MLLT3: variants seen among roughly 807,000 people sequenced by gnomAD.
MLLT3 encodes protein AF-9.
MLLT3 carries 4 observed loss-of-function variants against 53.2 expected under a neutral mutation model. The observed-to-expected ratio is 0.08, with a 90% CI of 0.04 to 0.17. The LOEUF (loss-of-function observed/expected upper bound fraction) is 0.17, where lower values mean the gene tolerates loss of function less well. MLLT3 is among the 10% of genes least tolerant of loss of function. The probability of loss-of-function intolerance (pLI) is 1.00; values close to 1 mark genes in which losing one functional copy is unlikely to be tolerated. For synonymous variants in MLLT3, 283 were observed against 230.6 expected (o/e 1.23, Z -2.06); for missense variants, 569 against 684.0 (o/e 0.83, Z 1.87).
chr9:20,515,023 C>T (rs536701835), intron 2 of MLLT3, among the ~76,000 whole-genome samples: 11 of 149,938 alleles, frequency 7.3e-5, no homozygotes, highest in East Asian at 3.9e-4. Flanking sequence ...CTCGGCTCAC[C>T]GCAACCTCTG....
intron 2 of MLLT3, among the ~76,000 whole-genome samples, chr9:20,468,640 C>A (rs1370893465): frequency 6.6e-6 from 1 of 152,320 alleles, no homozygotes; most frequent in South Asian, 2.1e-4. Context: ...CTGGTTCTGG[C>A]TCCATTTCTA....
At chr9:20,362,372 G>A (rs1280448527) in intron 7 of MLLT3, among the ~76,000 whole-genome samples, 1 of 152,196 alleles carries the variant, frequency 6.6e-6, no homozygotes, top group Non-Finnish European at 1.5e-5. Context: ...AGAGCAGCCA[G>A]TGGTCAGGAT....
intron 8 of MLLT3, among the ~76,000 whole-genome samples, chr9:20,359,557 T>C (rs1027161239): frequency 6.6e-6 from 1 of 152,270 alleles, no homozygotes; most frequent in Non-Finnish European, 1.5e-5. Flanking sequence ...GTATCATTCC[T>C]ACTTAACAAG....
rs955365402 is a variant in MLLT3 at position 20,620,467 on chromosome 9, C to A, written c.193+187G>T. On this transcript the variant is annotated intron_variant, in intron 2 of 10. Coordinates refer to ENST00000380338, the MANE Select transcript of MLLT3 (RefSeq NM_004529.4). The surrounding 1 kb of genome is among the most constrained non-coding windows in gnomAD (Gnocchi z 6.1). ...TTTCTCTGCGGTGACTTTCACCAAG[C>A]CGAAGTGGCGCGCGCGCGGGCAGGC... Among the ~76,000 whole-genome samples the A allele has an allele frequency of 6.6e-6, 1 of 151,066 alleles. No homozygotes were observed. Among genetic ancestry groups the A allele is most frequent in the Non-Finnish European group, 1.5e-5 (1 of 67,692 alleles).
chr9:20,621,691 C>T lies in MLLT3; in HGVS notation c.12+554G>A. 1 of 1,385,438 alleles carries T rather than the reference C, an allele frequency of 7.2e-7. No homozygotes were observed. The highest frequency in any genetic ancestry group is 9.6e-7 in the Non-Finnish European group (1 of 1,040,318). 85.8% of individuals were successfully genotyped at this position (1,385,438 alleles called of 1,614,324 possible). A position where few individuals can be genotyped will look rare whatever the true frequency, so the allele number is the denominator to read the frequency against. ...TCGGCTCGCGCTCAGCACCTCCCGG[C>T]GCTGGGGCAAAGTTGCGTGCGGCCC... On this transcript the variant is annotated intron_variant, in intron 1 of 10. Coordinates refer to ENST00000380338, the MANE Select transcript of MLLT3 (RefSeq NM_004529.4). The surrounding 1 kb of genome is among the most constrained non-coding windows in gnomAD (Gnocchi z 7.0).
At chr9:20,387,813 AGGC>A (rs1204564370) in intron 5 of MLLT3, among the ~76,000 whole-genome samples, 1 of 152,240 alleles carries the variant, frequency 6.6e-6, no homozygotes, top group African/African-American at 2.4e-5. Flanking sequence ...CACCACAGGA[AGGC>A]TATCTAAAGG....
chr9:20,613,158 A>G (rs148590912), intron 2 of MLLT3, among the ~76,000 whole-genome samples: 8 of 152,326 alleles, frequency 5.3e-5, no homozygotes, highest in African/African-American at 7.2e-5. Flanking sequence ...TGAGTGGGGG[A>G]AAAAAGCAAG....
intron 2 of MLLT3, among the ~76,000 whole-genome samples, chr9:20,504,187 T>C (rs1189642943): frequency 6.6e-6 from 1 of 152,148 alleles, no homozygotes; most frequent in Non-Finnish European, 1.5e-5. Context: ...ATTCCAAAAC[T>C]GTGTATACAT....
At chr9:20,565,940 A>T (rs867337792) in intron 2 of MLLT3, among the ~76,000 whole-genome samples, 9 of 12,258 alleles carry the variant, frequency 7.3e-4, no homozygotes, top group African/African-American at 1.6e-3. Context: ...ATATATATTT[A>T]TATATATATA....
chr9:20,359,275 A>G (rs1821258378), intron 8 of MLLT3, among the ~76,000 whole-genome samples: 1 of 151,652 alleles, frequency 6.6e-6, no homozygotes, highest in Admixed American at 6.6e-5. Context: ...CAGTGTTCTC[A>G]GCTGATTGGC....
At chr9:20,615,065 C>G (rs1024471103) in intron 2 of MLLT3, among the ~76,000 whole-genome samples, 1 of 152,010 alleles carries the variant, frequency 6.6e-6, no homozygotes, top group African/African-American at 2.4e-5. Flanking sequence ...AGTGATAGGC[C>G]GGGCACAATG....
chr9:20,414,790 T>G (rs1216614454), intron 4 of MLLT3, among the ~76,000 whole-genome samples: 1 of 152,158 alleles, frequency 6.6e-6, no homozygotes. Context: ...GATTGATAGA[T>G]GTTGACAACC....
At chr9:20,350,873 A>G (rs1166363399) in intron 10 of MLLT3, among the ~76,000 whole-genome samples, 9 of 152,182 alleles carry the variant, frequency 5.9e-5, no homozygotes. Flanking sequence ...TCTGATTATA[A>G]TTTCAAAAAC....
intron 2 of MLLT3, among the ~76,000 whole-genome samples, chr9:20,608,399 T>C (rs1820618972): frequency 6.6e-6 from 1 of 151,930 alleles, no homozygotes; most frequent in African/African-American, 2.4e-5. Context: ...TTTCAAAACA[T>C]TCCTAAGTAC....
chr9:20,582,672 C>A (rs1819827097), intron 2 of MLLT3, among the ~76,000 whole-genome samples: 1 of 152,134 alleles, frequency 6.6e-6, no homozygotes, highest in African/African-American at 2.4e-5. Flanking sequence ...GTGAAACACA[C>A]TTCTTACATG....
chr9:20,510,123 C>T (rs1468001571), intron 2 of MLLT3, among the ~76,000 whole-genome samples: 1 of 151,900 alleles, frequency 6.6e-6, no homozygotes, highest in Non-Finnish European at 1.5e-5. Context: ...CCACCACTAT[C>T]AAATGATAAA....
At chr9:20,508,766 C>A (rs944013454) in intron 2 of MLLT3, among the ~76,000 whole-genome samples, 47 of 152,140 alleles carry the variant, frequency 3.1e-4, no homozygotes, top group Admixed American at 3.1e-3. Context: ...AAATAAGTAT[C>A]TATAAACCCC....
At chr9:20,524,338 T>C (rs989269370) in intron 2 of MLLT3, among the ~76,000 whole-genome samples, 4 of 151,944 alleles carry the variant, frequency 2.6e-5, no homozygotes, top group Admixed American at 2.0e-4. Context: ...TGTATCAAGA[T>C]ACAAAATTAA....
At chr9:20,618,808 G>T (rs1025022498) in intron 2 of MLLT3, among the ~76,000 whole-genome samples, 1 of 152,030 alleles carries the variant, frequency 6.6e-6, no homozygotes, top group African/African-American at 2.4e-5. Context: ...ATCCACTGAA[G>T]CAGAAAAACA....
Sources: allele counts gnomAD v4.1 joint callset (sites outside exome capture counted in the v4.1 genomes callset), GRCh38; gene constraint gnomAD v4.1.1; non-coding constraint Gnocchi (gnomAD v3.1); transcripts MANE v1.5; gene names NCBI Gene and HGNC (gene_info 2026-07-23, HGNC 2026-07-21).